Variants in SETBP1 observed in about 807,000 individuals in gnomAD.
The protein encoded by SETBP1 is SET-binding protein.
A neutral mutation model predicts 101.0 loss-of-function variants in SETBP1; 9 were observed. That is an observed-to-expected ratio of 0.09 (90% CI 0.05 to 0.16). The LOEUF is 0.16. Ranked by LOEUF, SETBP1 falls within the 10% of genes least tolerant of loss-of-function variation. The pLI, the probability that SETBP1 is intolerant of heterozygous loss-of-function variation, is 1.00. For synonymous variants in SETBP1, 818 were observed against 788.5 expected (o/e 1.04, Z -0.63); for missense variants, 1,858 against 2,033.8 (o/e 0.91, Z 1.66).
Position 44,951,139 on chromosome 18 carries a change from C to T in SETBP1, c.1799C>T (p.Thr600Met), listed in dbSNP as rs1201997891. The T allele has an allele frequency of 1.2e-6, 2 of 1,614,038 alleles. No homozygotes were observed. Among genetic ancestry groups the T allele is most frequent in the Non-Finnish European group, 8.5e-7 (1 of 1,180,022 alleles). ...PKKQPLLTVE[T>M]IHEGTSTSPV... ...AAGCAGCCTTTGCTCACAGTCGAGA[C>T]GATTCATGAGGGAACTTCCACCAGC... Residue 600 changes from threonine (T) to methionine (M), a missense_variant, in exon 4 of 6, where the codon ACG (threonine) becomes ATG (methionine). Thr to Met is a moderately conservative substitution (Grantham distance 81, BLOSUM62 -1). This residue lies in a region of SETBP1 where 24 missense variants were observed against 68.4 expected (regional missense o/e 0.35). Coordinates refer to ENST00000649279, the MANE Select transcript of SETBP1 (RefSeq NM_015559.3). This position sits in a 1 kb window ranked among gnomAD's most constrained non-coding sequence, Gnocchi z 7.8.
At chr18:45,023,123 G>T (rs1014415083) in intron 4 of SETBP1, among the ~76,000 whole-genome samples, 1 of 152,080 alleles carries the variant, frequency 6.6e-6, no homozygotes, top group Non-Finnish European at 1.5e-5. Context: ...TATCATACTG[G>T]TTGCCTTGTT....
chr18:44,955,606 A>G (rs956174564), intron 4 of SETBP1, among the ~76,000 whole-genome samples: 3 of 152,228 alleles, frequency 2.0e-5, no homozygotes, highest in African/African-American at 7.2e-5. Context: ...AGATCAGGAT[A>G]CTGAGGCTCA....
intron 3 of SETBP1, among the ~76,000 whole-genome samples, chr18:44,876,251 A>G (rs982689436): frequency 2.0e-5 from 3 of 152,152 alleles, no homozygotes; most frequent in African/African-American, 7.2e-5. Flanking sequence ...TGATTTCACC[A>G]CATAATATTT....
chr18:44,942,447 G>T (rs963384561), intron 3 of SETBP1, among the ~76,000 whole-genome samples: 2 of 152,098 alleles, frequency 1.3e-5, no homozygotes, highest in African/African-American at 4.8e-5. Flanking sequence ...CCCTTTCTCA[G>T]GTATCCTAAC....
chr18:44,905,874 C>T (rs2070163567), intron 3 of SETBP1, among the ~76,000 whole-genome samples: 1 of 152,206 alleles, frequency 6.6e-6, no homozygotes, highest in Non-Finnish European at 1.5e-5. Context: ...TTGGAAAACT[C>T]TTTCCAGCCC....
At chr18:45,018,976 A>C (rs1456684767) in intron 4 of SETBP1, among the ~76,000 whole-genome samples, 1 of 152,170 alleles carries the variant, frequency 6.6e-6, no homozygotes, top group Non-Finnish European at 1.5e-5. Flanking sequence ...GAAGGAGAGT[A>C]TAGACTCCTA....
intron 2 of SETBP1, among the ~76,000 whole-genome samples, chr18:44,830,772 C>T (rs545983761): frequency 3.3e-5 from 5 of 152,206 alleles, no homozygotes; most frequent in South Asian, 4.1e-4. Context: ...TTCTGTTGCA[C>T]GAAGACTGAA....
chr18:45,062,030 G>A (rs754225634), intron 5 of SETBP1, among the ~76,000 whole-genome samples: 18 of 152,336 alleles, frequency 1.2e-4, no homozygotes, highest in Middle Eastern at 3.4e-3. Flanking sequence ...ATTTGTGTGT[G>A]TGTGTGTGCA....
chr18:44,989,415 C>T (rs747899553), intron 4 of SETBP1, among the ~76,000 whole-genome samples: 18 of 151,928 alleles, frequency 1.2e-4, no homozygotes, highest in Non-Finnish European at 2.1e-4. Flanking sequence ...GTAATATAGA[C>T]AGAAAACAGT....
chr18:44,781,427 G>T (rs142318259), intron 2 of SETBP1, among the ~76,000 whole-genome samples: 193 of 151,696 alleles, frequency 1.3e-3, no homozygotes, highest in Non-Finnish European at 2.3e-3. Context: ...ACAGAATAGA[G>T]CTGTTGTGCT....
chr18:44,742,936 G>A (rs534179384), intron 2 of SETBP1, among the ~76,000 whole-genome samples: 2 of 149,938 alleles, frequency 1.3e-5, no homozygotes, highest in East Asian at 4.0e-4. Flanking sequence ...ATTGTGTCTG[G>A]CTCTCCCTCC....
intron 2 of SETBP1, among the ~76,000 whole-genome samples, chr18:44,794,802 G>A (rs929335549): frequency 9.9e-5 from 15 of 152,130 alleles, no homozygotes; most frequent in Non-Finnish European, 2.1e-4. Context: ...ACTTGGGATC[G>A]TGATTCATTT....
At position 44,721,393 on chromosome 18, in the gene SETBP1, C is replaced by T. The variant is rs1016364289; in HGVS notation, c.486+19561C>T. Among the ~76,000 whole-genome samples, 4 of 152,086 alleles carry T rather than the reference C, an allele frequency of 2.6e-5. No homozygotes were observed. The South Asian group carries it at 8.3e-4, about 32-fold the overall frequency. On this transcript the variant is annotated intron_variant, in intron 2 of 5. Transcript: ENST00000649279. ...TGTTTCTTCCTTTGCTGCATAAAGC[C>T]AAAGTTTACTTTCTGTATATGAGGC...
intron 3 of SETBP1, among the ~76,000 whole-genome samples, chr18:44,886,742 T>A (rs1040304166): frequency 2.1e-5 from 3 of 142,584 alleles, no homozygotes; most frequent in African/African-American, 7.9e-5. Context: ...GAAAGATTGG[T>A]GGACTGTACA....
chr18:45,005,822 A>G (rs929195221), intron 4 of SETBP1, among the ~76,000 whole-genome samples: 5 of 147,330 alleles, frequency 3.4e-5, no homozygotes, highest in Admixed American at 6.8e-5. Context: ...AATTTTTTGT[A>G]TTTTTAGTAG....
intron 3 of SETBP1, among the ~76,000 whole-genome samples, chr18:44,894,850 G>T (rs1429737739): frequency 6.6e-6 from 1 of 151,382 alleles, no homozygotes; most frequent in Non-Finnish European, 1.5e-5. Flanking sequence ...CTTAATTGAG[G>T]CTGGGCACCG....
chr18:44,919,509 C>T (rs1233113982), intron 3 of SETBP1, among the ~76,000 whole-genome samples: 1 of 151,932 alleles, frequency 6.6e-6, no homozygotes, highest in Admixed American at 6.6e-5. Context: ...ACCACCACAC[C>T]CAGCTAATTT....
intron 4 of SETBP1, among the ~76,000 whole-genome samples, chr18:45,033,459 C>T (rs2073337695): frequency 6.6e-6 from 1 of 152,214 alleles, no homozygotes; most frequent in South Asian, 2.1e-4. Flanking sequence ...CATATCAAAG[C>T]TCTTTGCAAG....
chr18:44,803,393 C>T (rs1022856220), intron 2 of SETBP1, among the ~76,000 whole-genome samples: 14 of 152,076 alleles, frequency 9.2e-5, no homozygotes, highest in Non-Finnish European at 2.1e-4. Context: ...TGAGTTACAT[C>T]GGAGCTAAAT....
Sources: allele counts gnomAD v4.1 joint callset (sites outside exome capture counted in the v4.1 genomes callset), GRCh38; gene constraint gnomAD v4.1.1; regional missense constraint gnomAD v4.1.1; non-coding constraint Gnocchi (gnomAD v3.1); transcripts MANE v1.5; gene names NCBI Gene and HGNC (gene_info 2026-07-23, HGNC 2026-07-21).